Variants in DMD observed in about 807,000 individuals in gnomAD.
The protein encoded by DMD is mutant dystrophin.
Under a neutral mutation model 330.1 loss-of-function variants are expected in DMD, and 63 were observed. That is an observed-to-expected ratio of 0.19 (90% CI 0.16 to 0.24). The LOEUF is 0.24. Among genes scored for constraint, DMD ranks in the 10% least tolerant of loss-of-function variants. The pLI is 1.00. For missense variants in DMD, 3,344 were observed against 2,684.1 expected, an observed-to-expected ratio of 1.25 and a Z score of -5.43; for synonymous variants, 1,223 against 959.8, an observed-to-expected ratio of 1.27 and a Z score of -5.07.
intron 1 of DMD, among the ~76,000 whole-genome samples, chrX:33,130,558 A>AT (rs2095492930): frequency 1.9e-5 from 2 of 107,564 alleles, no homozygotes; most frequent in African/African-American, 3.4e-5. Flanking sequence ...ATATATATAT[A>AT]AATATATATA....
intron 34 of DMD, 67 bp from the exon 35 acceptor site, chrX:32,365,266 C>A (rs986823723): frequency 1.8e-6 from 2 of 1,089,509 alleles, no homozygotes; most frequent in Non-Finnish European, 2.5e-6. Flanking sequence ...GCTTATGAAA[C>A]GGCTTTCTGT....
intron 44 of DMD, among the ~76,000 whole-genome samples, chrX:31,973,386 G>A (rs1420877016): frequency 9.0e-6 from 1 of 110,587 alleles, no homozygotes; most frequent in Admixed American, 9.6e-5. Flanking sequence ...GCCTTTTTTT[G>A]AGTAAAGAAA....
At chrX:32,537,539 G>A in intron 17 of DMD, among the ~76,000 whole-genome samples, 1 of 110,799 alleles carries the variant, frequency 9.0e-6, no homozygotes, top group Middle Eastern at 4.6e-3. Flanking sequence ...TCAAGCACAA[G>A]ACAAAGGTCA....
Position 32,441,202 on chromosome X carries a change from T to G in DMD, c.3899A>C (p.Glu1300Ala). 8.3e-7 allele frequency: 1 copy of G among 1,209,672 alleles called. No homozygotes were observed. The highest frequency in any genetic ancestry group is 1.1e-6 in the Non-Finnish European group (1 of 893,904). Residue 1300 changes from glutamate to alanine, a missense_variant, in exon 28 of 79, where the codon GAG becomes GCG. Coordinates refer to ENST00000357033, the MANE Select transcript of DMD (RefSeq NM_004006.3). ...TACATCTAGCACCTCAGAGATTTCC[T>G]CAGCTCCGCCAGGAATGTTTTCAGT... Reference protein sequence around the residue: ...KTTENIPGGAEEISEVLDSLE... With the variant: ...KTTENIPGGAAEISEVLDSLE...
chrX:31,372,196 G>C (rs767910706), intron 60 of DMD, among the ~76,000 whole-genome samples: 1 of 111,586 alleles, frequency 9.0e-6, no homozygotes, highest in Non-Finnish European at 1.9e-5. Context: ...CACACAGCAG[G>C]AGTTTTGCGA....
intron 55 of DMD, among the ~76,000 whole-genome samples, chrX:31,531,648 T>C (rs1296208097): frequency 9.4e-6 from 1 of 106,525 alleles, no homozygotes; most frequent in Non-Finnish European, 1.9e-5. Flanking sequence ...CTGATGGTAG[T>C]TTCTTTTGCT....
In DMD at chrX:33,286,340, T is replaced by C. The variant is rs768455066; in HGVS notation, c.7+52919A>G. Among the ~76,000 whole-genome samples, 47 of 112,150 alleles carry C rather than the reference T, an allele frequency of 4.2e-4. No homozygotes were observed. In the South Asian group the frequency reaches 4.4e-3, roughly 11 times the overall value. Reference sequence around the variant, plus strand: ...AAATACATCCAACTTACTCAACTTATTTATTTTCTTTTGAGAAAGGTAAAA... The same window carrying C: ...AAATACATCCAACTTACTCAACTTACTTATTTTCTTTTGAGAAAGGTAAAA... On this transcript the variant is annotated intron_variant, in intron 1 of 17. Transcript: ENST00000288447.
At chrX:32,523,463 G>A (rs989884713) in intron 17 of DMD, among the ~76,000 whole-genome samples, 2 of 112,160 alleles carry the variant, frequency 1.8e-5, no homozygotes, top group African/African-American at 6.5e-5. Flanking sequence ...ACATACTTTT[G>A]TTTGATAGTA....
At chrX:32,567,858 T>A (rs2051919035) in intron 15 of DMD, among the ~76,000 whole-genome samples, 1 of 112,037 alleles carries the variant, frequency 8.9e-6, no homozygotes, top group African/African-American at 3.2e-5. Context: ...AGTTATAGTG[T>A]CATTTTTTTT....
intron 7 of DMD, among the ~76,000 whole-genome samples, chrX:32,803,598 G>T (rs1017229040): frequency 9.0e-6 from 1 of 111,649 alleles, no homozygotes; most frequent in Non-Finnish European, 1.9e-5. Context: ...GGCATTTAGT[G>T]CTATAAATTT....
chrX:31,121,073 G>GA lies in DMD; in HGVS notation c.*845dup, dbSNP rs1387459626. The GA allele has an allele frequency of 2.7e-5, 3 of 111,774 alleles. No homozygotes were observed. Among genetic ancestry groups the GA allele is most frequent in the Admixed American group, 1.9e-4 (2 of 10,436 alleles). 9.2% of individuals were successfully genotyped at this position (111,774 alleles called of 1,213,427 possible). On this transcript the variant is annotated 3_prime_UTR_variant, in exon 79 of 79. Coordinates refer to ENST00000357033, the MANE Select transcript of DMD (RefSeq NM_004006.3). ...GTTTCCTCCTGGCTTCCGGCTCCGG[G>GA]AAAAATCCATTCTAGACCAAGCAGG...
chrX:33,320,191 T>C (rs1229519528), intron 1 of DMD, among the ~76,000 whole-genome samples: 1 of 111,865 alleles, frequency 8.9e-6, no homozygotes, highest in East Asian at 2.8e-4. Flanking sequence ...GGCTCAATTG[T>C]GATGGTACGA....
intron 43 of DMD, among the ~76,000 whole-genome samples, chrX:32,249,613 G>T (rs1041170880): frequency 1.8e-5 from 2 of 111,510 alleles, no homozygotes; most frequent in Non-Finnish European, 3.8e-5. Flanking sequence ...ATCAGAGATT[G>T]ATGGAGCCAC....
chrX:32,065,663 C>A (rs1376757257), intron 44 of DMD, among the ~76,000 whole-genome samples: 1 of 111,663 alleles, frequency 9.0e-6, no homozygotes, highest in Non-Finnish European at 1.9e-5. Flanking sequence ...TTGGACTGTA[C>A]AGAAGTATAA....
At chrX:31,451,279 CCT>C (rs2065723808) in intron 59 of DMD, among the ~76,000 whole-genome samples, 9 of 51,044 alleles carry the variant, frequency 1.8e-4, no homozygotes, top group Non-Finnish European at 3.0e-4. Context: ...TCCTTTCTTT[CCT>C]TTTTTTTTTT....
intron 1 of DMD, chrX:33,339,156 G>T: frequency 2.2e-6 from 2 of 903,411 alleles, no homozygotes; most frequent in Non-Finnish European, 3.0e-6. Flanking sequence ...GAAGAGCTCG[G>T]CAACAAACCC....
intron 2 of DMD, among the ~76,000 whole-genome samples, chrX:32,859,685 G>A (rs1025047856): frequency 6.3e-5 from 7 of 111,355 alleles, no homozygotes; most frequent in Non-Finnish European, 1.3e-4. Flanking sequence ...GATGCACTTA[G>A]AAACTTGCTT....
intron 47 of DMD, among the ~76,000 whole-genome samples, chrX:31,912,327 G>A (rs1279225663): frequency 2.7e-5 from 3 of 111,199 alleles, no homozygotes; most frequent in East Asian, 2.8e-4. Flanking sequence ...CACAACCAAC[G>A]CTTCACAAGT....
chrX:31,459,743 C>T (rs1165815251), intron 59 of DMD, among the ~76,000 whole-genome samples: 1 of 111,911 alleles, frequency 8.9e-6, no homozygotes, highest in Non-Finnish European at 1.9e-5. Context: ...TTTGGCGTTT[C>T]AGGGCTGAGC....
Sources: allele counts gnomAD v4.1 joint callset (sites outside exome capture counted in the v4.1 genomes callset), GRCh38; gene constraint gnomAD v4.1.1; transcripts MANE v1.5; gene names NCBI Gene and HGNC (gene_info 2026-07-23, HGNC 2026-07-21).